The following PXDN variants were observed in gnomAD, a reference collection of about 807,000 sequenced individuals.
PXDN encodes peroxidasin.
In PXDN, 77 loss-of-function variants were observed where a neutral mutation model predicts 140.3. That is an observed-to-expected ratio of 0.55 (90% CI 0.46 to 0.66). PXDN has a LOEUF of 0.66. Ranked by LOEUF, PXDN falls within the 30% of genes least tolerant of loss-of-function variation. PXDN has a pLI of 0.00. For missense variants in PXDN, 1,838 were observed against 2,039.5 expected, an observed-to-expected ratio of 0.90 and a Z score of 1.90; for synonymous variants, 911 against 857.4, an observed-to-expected ratio of 1.06 and a Z score of -1.09.
At chr2:1,697,364 CATT>C (rs1392231692) in intron 1 of PXDN, among the ~76,000 whole-genome samples, 1 of 152,178 alleles carries the variant, frequency 6.6e-6, no homozygotes, top group African/African-American at 2.4e-5. Flanking sequence ...TACTGGTCAT[CATT>C]GACATAAAGC....
rs373876163 is a variant in PXDN at position 1,683,506 on chromosome 2, A to G, written c.560+150T>C. 62 of 763,842 alleles carry G rather than the reference A, an allele frequency of 8.1e-5. No homozygotes were observed. In the East Asian group the frequency reaches 1.2e-3, roughly 14 times the overall value. The allele number at this position is 763,842 out of a possible 1,614,324, so 47.3% of individuals were successfully genotyped here. A position where few individuals can be genotyped will look rare whatever the true frequency, so the allele number is the denominator to read the frequency against. ...CACATGTTTTTCATTTTGCTCTCTA[A>G]TGGATTCAATCCACCCTCCATATAT... On this transcript the variant is annotated intron_variant, in intron 6 of 22. Transcript: ENST00000252804.
chr2:1,692,614 C>T (rs575113178), intron 2 of PXDN: 186 of 472,534 alleles, frequency 3.9e-4, no homozygotes, highest in East Asian at 1.8e-3. Context: ...TGCACAGCAA[C>T]GCTGGACTTG....
chr2:1,675,007 C>G (rs117167251), intron 8 of PXDN, among the ~76,000 whole-genome samples: 1 of 152,082 alleles, frequency 6.6e-6, no homozygotes, highest in Non-Finnish European at 1.5e-5. Context: ...CGGGAACACT[C>G]GAAAGACCAA....
chr2:1,710,622 T>TCTCCACCAGCACCCACG (rs1684735672), intron 1 of PXDN, among the ~76,000 whole-genome samples: 1 of 127,270 alleles, frequency 7.9e-6, no homozygotes, highest in Non-Finnish European at 1.6e-5. Flanking sequence ...CAGCACCCAC[T>TCTCCACCAGCACCCACG]CTCCACCAGC....
intron 1 of PXDN, among the ~76,000 whole-genome samples, chr2:1,694,516 TGCCCACCTG>T (rs1006689626): frequency 6.6e-6 from 1 of 152,198 alleles, no homozygotes; most frequent in Non-Finnish European, 1.5e-5. Flanking sequence ...GGCCCCCCTC[TGCCCACCTG>T]GCCCTCCTGG....
At chr2:1,717,583 C>T (rs989517036) in intron 1 of PXDN, among the ~76,000 whole-genome samples, 4 of 141,598 alleles carry the variant, frequency 2.8e-5, no homozygotes, top group African/African-American at 8.2e-5. Context: ...ATTGTTGATG[C>T]GGGAAACTTA....
chr2:1,657,839 T>C (rs1363984464), intron 14 of PXDN, among the ~76,000 whole-genome samples: 11 of 127,000 alleles, frequency 8.7e-5, no homozygotes, highest in Non-Finnish European at 1.5e-4. Context: ...ACCCTCCAGA[T>C]TGGGACCCGC....
At chr2:1,697,612 CG>C (rs5828887) in intron 1 of PXDN, among the ~76,000 whole-genome samples, 132,516 of 151,996 alleles carry the variant, frequency 0.87, 58,376 homozygotes, top group Middle Eastern at 0.95. Context: ...ATAATCCTAA[CG>C]GGGGGGGAAA....
intron 1 of PXDN, among the ~76,000 whole-genome samples, chr2:1,719,113 C>T (rs1572189979): frequency 6.6e-6 from 1 of 152,322 alleles, no homozygotes; most frequent in South Asian, 2.1e-4. Context: ...CTTAGACGAG[C>T]GAGCCAGCCT....
At chr2:1,638,633 C>G (rs1682632279) in intron 21 of PXDN, among the ~76,000 whole-genome samples, 1 of 152,184 alleles carries the variant, frequency 6.6e-6, no homozygotes, top group South Asian at 2.1e-4. Flanking sequence ...GCCTGGTGAC[C>G]CCCATCTGCT....
chr2:1,702,811 G>C (rs1684467286), intron 1 of PXDN, among the ~76,000 whole-genome samples: 1 of 152,072 alleles, frequency 6.6e-6, no homozygotes, highest in Admixed American at 6.6e-5. Flanking sequence ...TGTATTTTTA[G>C]AGATGAGGTT....
chr2:1,653,763 A>G lies in PXDN; in HGVS notation c.1969T>C (p.Leu657=). The change falls in exon 16 of 23, where the codon TTG becomes CTG. Residue 657 remains leucine (L), a synonymous_variant. Transcript: ENST00000252804. ...FDSRPRSPND[L]LALFRYPRDP... ...CTCGGATACCGGAACAAGGCCAGCA[A>G]ATCATTTGGAGAACGAGGACGGCTA... The G allele has an allele frequency of 6.3e-7, 1 of 1,583,884 alleles. No individual in the cohort carries two copies. Among genetic ancestry groups the G allele is most frequent in the South Asian group, 1.2e-5 (1 of 86,598 alleles).
intron 1 of PXDN, among the ~76,000 whole-genome samples, chr2:1,738,658 C>T (rs1320161145): frequency 6.6e-6 from 1 of 151,900 alleles, no homozygotes; most frequent in Non-Finnish European, 1.5e-5. Flanking sequence ...AAGCGATTCT[C>T]ATGCCTCAGC....
At chr2:1,681,587 C>G (rs960996843) in intron 6 of PXDN, among the ~76,000 whole-genome samples, 4 of 152,096 alleles carry the variant, frequency 2.6e-5, no homozygotes, top group Non-Finnish European at 5.9e-5. Context: ...GGCTACACCT[C>G]CCATCCGAGG....
At chr2:1,709,229 C>T (rs1047479163) in intron 1 of PXDN, among the ~76,000 whole-genome samples, 54 of 152,332 alleles carry the variant, frequency 3.5e-4, no homozygotes, top group African/African-American at 9.4e-4. Flanking sequence ...CACTGCTGTT[C>T]GGTGAGGAGG....
Position 1,678,278 on chromosome 2 carries a change from A to C in PXDN, c.731-1234T>G, listed in dbSNP as rs553853911. Among the ~76,000 whole-genome samples, 3 of 152,224 alleles carry C rather than the reference A, an allele frequency of 2.0e-5. No individual in the cohort carries two copies. The East Asian group carries it at 5.8e-4, about 30-fold the overall frequency. On this transcript the variant is annotated intron_variant, in intron 7 of 22. Coordinates refer to ENST00000252804, the MANE Select transcript of PXDN (RefSeq NM_012293.3). ...GGGCTGCCAGAAAGCTCCTTCTAGA[A>C]TATAAACATCATCCCAACGTTCCGT...
chr2:1,715,726 G>A (rs753142341), intron 1 of PXDN, among the ~76,000 whole-genome samples: 3 of 152,150 alleles, frequency 2.0e-5, no homozygotes, highest in Non-Finnish European at 4.4e-5. Flanking sequence ...TCCAGGCTCT[G>A]AGCACAGAGA....
At position 1,663,620 on chromosome 2, in the gene PXDN, T is replaced by C; in HGVS notation, c.1552A>G (p.Thr518Ala). Residue 518 changes from threonine (T) to alanine (A), a missense_variant, in exon 12 of 23, where the codon ACT becomes GCT. Thr to Ala is a moderately conservative substitution (Grantham distance 58, BLOSUM62 0). Transcript: ENST00000252804. ...TGGCACCTACCTCTGGGCTGCACAG[T>C]CAGGTGGGCCACGACCTTCTGGGAG... ...IGSQKVVAHL[T>A]VQPRVTPVFA... The C allele has an allele frequency of 6.2e-7, 1 of 1,613,968 alleles. No individual in the cohort carries two copies. The highest frequency in any genetic ancestry group is 1.6e-4 in the Middle Eastern group (1 of 6,062).
chr2:1,662,274 C>A, intron 12 of PXDN, 90 bp from the exon 13 acceptor site: 1 of 1,097,398 alleles, frequency 9.1e-7, no homozygotes, highest in South Asian at 1.3e-5. Context: ...CCATCAGGCC[C>A]ACTCAGGGAT....
Sources: allele counts gnomAD v4.1 joint callset (sites outside exome capture counted in the v4.1 genomes callset), GRCh38; gene constraint gnomAD v4.1.1; transcripts MANE v1.5; gene names NCBI Gene and HGNC (gene_info 2026-07-23, HGNC 2026-07-21).